Variants in CA10 observed in about 807,000 individuals in gnomAD.
The protein encoded by CA10 is carbonic anhydrase-related protein 10.
A neutral mutation model predicts 44.2 loss-of-function variants in CA10; 14 were observed. The ratio of observed to expected loss-of-function variants is 0.32; its 90% CI spans 0.21 to 0.50. CA10 has a LOEUF of 0.50. CA10 is among the 20% of genes least tolerant of loss of function. The pLI is 0.99. For synonymous variants in CA10, 159 were observed against 141.6 expected (o/e 1.12, Z -0.87); for missense variants, 350 against 409.7 (o/e 0.85, Z 1.26).
intron 2 of CA10, among the ~76,000 whole-genome samples, chr17:51,939,803 T>C (rs73350220): frequency 0.015 from 2,281 of 152,156 alleles, 45 homozygotes; most frequent in African/African-American, 0.052. Flanking sequence ...ATATTAACCT[T>C]TTGTGACATG....
intron 2 of CA10, among the ~76,000 whole-genome samples, chr17:51,938,612 G>A (rs183947852): frequency 6.6e-6 from 1 of 152,190 alleles, no homozygotes; most frequent in Non-Finnish European, 1.5e-5. Flanking sequence ...GTAGCTTTTG[G>A]GAGTTGTCAG....
At chr17:52,066,454 T>A (rs993758931) in intron 2 of CA10, among the ~76,000 whole-genome samples, 3 of 152,176 alleles carry the variant, frequency 2.0e-5, no homozygotes, top group Non-Finnish European at 4.4e-5. Flanking sequence ...CAGGTGGAGA[T>A]AATTGAATCA....
At chr17:51,998,628 TTATTTA>T (rs1291290747) in intron 2 of CA10, among the ~76,000 whole-genome samples, 1 of 152,042 alleles carries the variant, frequency 6.6e-6, no homozygotes, top group Non-Finnish European at 1.5e-5. Flanking sequence ...GTATATCAAC[TTATTTA>T]TATTTATTTG....
chr17:51,736,917 G>A (rs540391101), intron 4 of CA10, among the ~76,000 whole-genome samples: 2 of 152,262 alleles, frequency 1.3e-5, no homozygotes, highest in East Asian at 1.9e-4. Flanking sequence ...ATTTCACACC[G>A]CTGCTGTACT....
intron 5 of CA10, among the ~76,000 whole-genome samples, chr17:51,649,754 T>C (rs766296271): frequency 2.0e-5 from 3 of 152,196 alleles, no homozygotes; most frequent in Non-Finnish European, 2.9e-5. Context: ...CCTAGAAAGA[T>C]TGGCAGGGGC....
chr17:51,719,504 G>A (rs1029802969), intron 4 of CA10, among the ~76,000 whole-genome samples: 2 of 152,172 alleles, frequency 1.3e-5, no homozygotes, highest in Non-Finnish European at 2.9e-5. Context: ...TTACAAATAG[G>A]AAGAAGAGCT....
chr17:52,037,253 A>C (rs1423469305), intron 2 of CA10, among the ~76,000 whole-genome samples: 1 of 152,218 alleles, frequency 6.6e-6, no homozygotes, highest in Non-Finnish European at 1.5e-5. Flanking sequence ...TAGGGAGAAG[A>C]GAGTTCACAC....
At chr17:52,044,566 A>G (rs1850373997) in intron 2 of CA10, among the ~76,000 whole-genome samples, 1 of 152,064 alleles carries the variant, frequency 6.6e-6, no homozygotes, top group African/African-American at 2.4e-5. Context: ...GGCCTCCCAA[A>G]GTGCTGCAAT....
At chr17:51,657,681 T>TAAC (rs1567791832) in intron 4 of CA10, among the ~76,000 whole-genome samples, 2 of 152,186 alleles carry the variant, frequency 1.3e-5, no homozygotes, top group African/African-American at 4.8e-5. Flanking sequence ...TTTTGAATAA[T>TAAC]TTAGATGGGC....
At chr17:51,984,695 C>T (rs978652663) in intron 2 of CA10, among the ~76,000 whole-genome samples, 1 of 151,900 alleles carries the variant, frequency 6.6e-6, no homozygotes, top group Non-Finnish European at 1.5e-5. Flanking sequence ...ACTGACACCA[C>T]TGAAATACAA....
chr17:52,048,449 C>T (rs955727713), intron 2 of CA10, among the ~76,000 whole-genome samples: 3 of 151,978 alleles, frequency 2.0e-5, no homozygotes, highest in Non-Finnish European at 4.4e-5. Flanking sequence ...ATTACTTGCC[C>T]TCTAGGACTT....
intron 1 of CA10, among the ~76,000 whole-genome samples, chr17:52,099,531 G>T (rs1320222804): frequency 1.3e-5 from 2 of 152,164 alleles, no homozygotes; most frequent in Non-Finnish European, 1.5e-5. Context: ...GAAAGTTGTT[G>T]TATGGGTGAT....
chr17:51,637,505 T>C (rs1912882540), intron 6 of CA10, among the ~76,000 whole-genome samples: 1 of 152,230 alleles, frequency 6.6e-6, no homozygotes, highest in Admixed American at 6.5e-5. Context: ...GGGATGAGAC[T>C]GACTCTCCAG....
At chr17:52,149,039 G>T (rs1230581607) in intron 1 of CA10, among the ~76,000 whole-genome samples, 1 of 152,202 alleles carries the variant, frequency 6.6e-6, no homozygotes, top group African/African-American at 2.4e-5. Flanking sequence ...AATAATTGCA[G>T]CTATCAGAAT....
rs150527773 is a variant in CA10 at position 51,757,739 on chromosome 17, T to C, written c.280-9921A>G. On this transcript the variant is annotated intron_variant, in intron 3 of 8. Transcript: ENST00000451037. ...GACATGTATCTAGATACTGGGCTCTTCTCACTGTTTGTCCAGATGTTTTAT... is the reference window on the plus strand; with the variant it reads ...GACATGTATCTAGATACTGGGCTCTCCTCACTGTTTGTCCAGATGTTTTAT... 9.1e-4 allele frequency among the ~76,000 whole-genome samples: 138 copies of C among 152,380 alleles called. 1 individual carries two copies. In the East Asian group the frequency reaches 0.023, roughly 25 times the overall value.
At chr17:52,036,028 A>C (rs1284085578) in intron 2 of CA10, among the ~76,000 whole-genome samples, 2 of 152,146 alleles carry the variant, frequency 1.3e-5, no homozygotes, top group Non-Finnish European at 2.9e-5. Context: ...TTAAACACAG[A>C]TTGGTGGGCC....
Position 51,950,572 on chromosome 17 carries a change from C to T in CA10, c.137-19440G>A, listed in dbSNP as rs150055857. Among the ~76,000 whole-genome samples the T allele has an allele frequency of 3.2e-3, 492 of 152,262 alleles. 2 individuals carry two copies. Among genetic ancestry groups the T allele is most frequent in the African/African-American group, 0.011 (470 of 41,576 alleles). On this transcript the variant is annotated intron_variant, in intron 2 of 8. Transcript: ENST00000451037. ...CCTATTGGGTGTCCTTCTCCTACCACCAATCACTGCTTCCTCTTCATTTGG... is the reference window on the plus strand; with the variant it reads ...CCTATTGGGTGTCCTTCTCCTACCATCAATCACTGCTTCCTCTTCATTTGG...
intron 2 of CA10, among the ~76,000 whole-genome samples, chr17:52,000,263 G>A (rs1398404852): frequency 1.3e-5 from 2 of 152,052 alleles, no homozygotes; most frequent in African/African-American, 4.8e-5. Context: ...GATGAAGGTT[G>A]AGAGCAAGAC....
At chr17:52,010,979 C>A (rs1193283587) in intron 2 of CA10, among the ~76,000 whole-genome samples, 1 of 146,424 alleles carries the variant, frequency 6.8e-6, no homozygotes, top group African/African-American at 2.5e-5. Context: ...ATGCTACAAA[C>A]ACACAAGCAG....
Sources: gnomAD v4.1 joint callset for allele counts (sites outside exome capture counted in the v4.1 genomes callset) on GRCh38, gnomAD v4.1.1 for gene constraint, MANE v1.5 for transcripts, NCBI Gene and HGNC (gene_info 2026-07-23, HGNC 2026-07-21) for gene names.